The following RAB3IP variants were observed in gnomAD, a reference collection of about 807,000 sequenced individuals.
RAB3IP encodes rab-3A-interacting protein.
RAB3IP carries 36 observed loss-of-function variants against 59.1 expected under a neutral mutation model. The observed-to-expected ratio is 0.61, with a 90% CI of 0.47 to 0.80. The LOEUF is 0.80. Among genes scored for constraint, RAB3IP ranks in the 30% least tolerant of loss-of-function variants. RAB3IP has a pLI of 0.00. For missense variants in RAB3IP, 511 were observed against 536.0 expected (o/e 0.95, Z 0.46); for synonymous variants, 207 against 191.2 (o/e 1.08, Z -0.68).
intron 6 of RAB3IP, among the ~76,000 whole-genome samples, chr12:69,797,754 A>G (rs985895370): frequency 6.7e-6 from 1 of 148,460 alleles, no homozygotes; most frequent in African/African-American, 2.5e-5. Flanking sequence ...ATTCCCACCT[A>G]TGAGTGAGAA....
At chr12:69,775,969 A>C (rs1873859465) in intron 3 of RAB3IP, among the ~76,000 whole-genome samples, 1 of 79,422 alleles carries the variant, frequency 1.3e-5, no homozygotes. Context: ...TATTGATTGG[A>C]ATAGTTTCAG....
chr12:69,760,260 A>G (rs1056631867), intron 3 of RAB3IP, among the ~76,000 whole-genome samples: 2 of 152,284 alleles, frequency 1.3e-5, no homozygotes, highest in African/African-American at 4.8e-5. Context: ...TGCGCCTGCA[A>G]TAGCAGGCAC....
At chr12:69,741,645 A>G (rs1028671258) in intron 1 of RAB3IP, among the ~76,000 whole-genome samples, 6 of 152,174 alleles carry the variant, frequency 3.9e-5, no homozygotes, top group Admixed American at 3.9e-4. Flanking sequence ...CTTTATCCCT[A>G]TTTTGTAGTT....
chr12:69,807,059 C>T (rs554240693), intron 8 of RAB3IP, among the ~76,000 whole-genome samples: 64 of 152,326 alleles, frequency 4.2e-4, no homozygotes, highest in Middle Eastern at 3.4e-3. Context: ...AAACCGCCAT[C>T]GTCATCATGG....
intron 4 of RAB3IP, among the ~76,000 whole-genome samples, chr12:69,787,090 A>G (rs1202972484): frequency 6.6e-6 from 1 of 152,144 alleles, no homozygotes; most frequent in Non-Finnish European, 1.5e-5. Flanking sequence ...GTGTTTGCAT[A>G]TCTTTTTAGG....
chr12:69,811,565 C>G (rs1328395867), intron 8 of RAB3IP, among the ~76,000 whole-genome samples: 2 of 152,128 alleles, frequency 1.3e-5, no homozygotes, highest in Non-Finnish European at 2.9e-5. Flanking sequence ...TCCTCTTATG[C>G]AAATTATACT....
In RAB3IP at chr12:69,818,135, A is replaced by G. The variant is rs1881333144; in HGVS notation, c.*2689A>G. 1 of 152,224 alleles carries G rather than the reference A, an allele frequency of 6.6e-6. No individual in the cohort carries two copies. Among genetic ancestry groups the G allele is most frequent in the Admixed American group, 6.5e-5 (1 of 15,286 alleles). The allele number at this position is 152,224 out of a possible 1,614,324, so 9.4% of individuals were successfully genotyped here. A position where few individuals can be genotyped will look rare whatever the true frequency, so the allele number is the denominator to read the frequency against. ...ATTGCTGATGGGGGTATCAATTGGT[A>G]TATCCACTGTGAAAAACCATTCACT... On this transcript the variant is annotated 3_prime_UTR_variant, in exon 11 of 11. Transcript: ENST00000247833.
At chr12:69,755,733 T>C (rs1188631142) in intron 2 of RAB3IP, 74 bp downstream of exon 2, 8 of 1,260,288 alleles carry the variant, frequency 6.3e-6, no homozygotes, top group Non-Finnish European at 8.8e-6. Flanking sequence ...ATTTTAAGTT[T>C]TACTATTTTT....
At chr12:69,805,181 G>A (rs1444910732) in intron 8 of RAB3IP, among the ~76,000 whole-genome samples, 8 of 152,104 alleles carry the variant, frequency 5.3e-5, no homozygotes, top group Admixed American at 5.2e-4. Context: ...TTGAGCAGTG[G>A]TTTGTAGTTC....
At position 69,781,288 on chromosome 12, in the gene RAB3IP, C is replaced by G. The variant is rs181635314; in HGVS notation, c.511-3432C>G. On this transcript the variant is annotated intron_variant, in intron 3 of 10. Transcript: ENST00000247833. ...AAAGTACAGAGTCCCCATGTACTTG[C>G]TGTCTCCACACACGCACAGCATCCC... 1.2e-4 allele frequency among the ~76,000 whole-genome samples: 19 copies of G among 152,236 alleles called. No individual in the cohort carries two copies. In the East Asian group the frequency reaches 3.7e-3, roughly 29 times the overall value.
At chr12:69,801,774 TG>T in intron 8 of RAB3IP, 53 bp downstream of exon 8, 1 of 1,096,478 alleles carries the variant, frequency 9.1e-7, no homozygotes, top group Non-Finnish European at 1.4e-6. Flanking sequence ...TGAAATGTTA[TG>T]GGTTGCAGTT....
At position 69,795,300 on chromosome 12, in the gene RAB3IP, C is replaced by G; in HGVS notation, c.844C>G (p.Gln282Glu). 4 of 1,614,080 alleles carry G rather than the reference C, an allele frequency of 2.5e-6. No homozygotes were observed. The highest frequency in any genetic ancestry group is 3.4e-6 in the Non-Finnish European group (4 of 1,179,960). Residue 282 changes from glutamine (Q) to glutamate (E), a missense_variant, in exon 6 of 11, where the codon CAG (glutamine) becomes GAG (glutamate). Physicochemically the swap from Gln to Glu is conservative, Grantham distance 29. Coordinates refer to ENST00000247833, the MANE Select transcript of RAB3IP (RefSeq NM_022456.5). ...STSSAMSGSH[Q>E]DLSVIQPIVK... ...AAGCAGTGCTATGAGTGGCAGTCAT[C>G]AGGACCTCAGTGTGATACAGCCAAT...
Position 69,813,319 on chromosome 12 carries a change from G to C in RAB3IP, c.1300+286G>C, listed in dbSNP as rs1027006231. On this transcript the variant is annotated intron_variant, in intron 10 of 10. Transcript: ENST00000247833. ...CTCATAAGGGGTATATGATAAACCAGATGGTAAATGAGAAGAGAGTTCTAA... is the reference window on the plus strand; with the variant it reads ...CTCATAAGGGGTATATGATAAACCACATGGTAAATGAGAAGAGAGTTCTAA... Among the ~76,000 whole-genome samples, 26 of 152,302 alleles carry C rather than the reference G, an allele frequency of 1.7e-4. 1 individual carries two copies. The highest frequency in any genetic ancestry group is 6.0e-4 in the African/African-American group (25 of 41,568).
rs1033634688 is a variant in RAB3IP, at chr12:69,821,627, C to T, written c.*6181C>T. On this transcript the variant is annotated 3_prime_UTR_variant, in exon 11 of 11. Transcript: ENST00000247833. ...GTTTTGGTTTATTTTTCTGTTTGTC[C>T]ATCTTGTTTTTGAACAATTGCCAGC... The T allele has an allele frequency of 3.9e-5, 6 of 152,116 alleles. No homozygotes were observed. The highest frequency in any genetic ancestry group is 1.4e-4 in the African/African-American group (6 of 41,410). 9.4% of individuals were successfully genotyped at this position (152,116 alleles called of 1,614,324 possible). A position where few individuals can be genotyped will look rare whatever the true frequency, so the allele number is the denominator to read the frequency against.
chr12:69,773,135 A>G (rs1799683265), intron 3 of RAB3IP, among the ~76,000 whole-genome samples: 1 of 151,976 alleles, frequency 6.6e-6, no homozygotes, highest in South Asian at 2.1e-4. Context: ...CCTGATCTGC[A>G]AGGTTCTTGC....
chr12:69,805,310 T>A (rs1879072414), intron 8 of RAB3IP, among the ~76,000 whole-genome samples: 1 of 152,132 alleles, frequency 6.6e-6, no homozygotes, highest in Non-Finnish European at 1.5e-5. Flanking sequence ...CTGTTATTGG[T>A]GTATAAGAAT....
At chr12:69,768,250 G>C (rs907223471) in intron 3 of RAB3IP, among the ~76,000 whole-genome samples, 3 of 152,014 alleles carry the variant, frequency 2.0e-5, no homozygotes, top group Non-Finnish European at 2.9e-5. Context: ...GGGTCTTGCT[G>C]TACCACAGTC....
intron 8 of RAB3IP, among the ~76,000 whole-genome samples, chr12:69,809,380 G>C (rs1880024000): frequency 6.6e-6 from 1 of 152,080 alleles, no homozygotes; most frequent in African/African-American, 2.4e-5. Flanking sequence ...TATGTGTCTT[G>C]GAGTTGCTCT....
At chr12:69,801,023 A>G (rs533039723) in intron 7 of RAB3IP, among the ~76,000 whole-genome samples, 15 of 152,192 alleles carry the variant, frequency 9.9e-5, no homozygotes, top group Non-Finnish European at 1.9e-4. Flanking sequence ...TATCTTGTTC[A>G]TTGTGGCTCT....
Sources: gnomAD v4.1 joint callset for allele counts (sites outside exome capture counted in the v4.1 genomes callset) on GRCh38, gnomAD v4.1.1 for gene constraint, MANE v1.5 for transcripts, NCBI Gene and HGNC (gene_info 2026-07-23, HGNC 2026-07-21) for gene names.